CCDC180: variants seen among roughly 807,000 people sequenced by gnomAD.
CCDC180 encodes coiled-coil domain-containing protein 180.
CCDC180 carries 154 observed loss-of-function variants against 209.2 expected under a neutral mutation model. That is an observed-to-expected ratio of 0.74 (90% confidence interval 0.65 to 0.84). The LOEUF (loss-of-function observed/expected upper bound fraction) is 0.84. Among genes scored for constraint, CCDC180 ranks in the 40% least tolerant of loss-of-function variants. The pLI is 0.00. For synonymous variants in CCDC180, 778 were observed against 749.1 expected, an observed-to-expected ratio of 1.04 and a Z score of -0.63; for missense variants, 1,874 against 1,997.3, an observed-to-expected ratio of 0.94 and a Z score of 1.18.
At chr9:97,320,986 G>T (rs1423728097) in intron 11 of CCDC180, among the ~76,000 whole-genome samples, 1 of 152,102 alleles carries the variant, frequency 6.6e-6, no homozygotes, top group Non-Finnish European at 1.5e-5. Flanking sequence ...TTTTTCTGGG[G>T]GCTGTGGTGC....
At position 97,366,692 on chromosome 9, in the gene CCDC180, G is replaced by A. The variant is rs765222326; in HGVS notation, c.4181G>A (p.Cys1394Tyr). The change falls in exon 31 of 37, where the codon TGC becomes TAC. Residue 1394 changes from cysteine (C) to tyrosine (Y), a missense_variant. Coordinates refer to ENST00000529487, the MANE Select transcript of CCDC180 (RefSeq NM_020893.6). This position sits in a 1 kb window ranked among gnomAD's most constrained non-coding sequence, Gnocchi z 4.3. ...QSQANKYHNSCLIELRIQIRR... is the reference protein window; with the variant it reads ...QSQANKYHNSYLIELRIQIRR... ...CAGGCAAATAAGTACCACAACTCCT[G>A]CCTCATAGGTGAGTATAGGCAGCAG... 6.2e-7 allele frequency: 1 copy of A among 1,614,130 alleles called. No homozygotes were observed. Among genetic ancestry groups the A allele is most frequent in the Non-Finnish European group, 8.5e-7 (1 of 1,179,988 alleles).
At position 97,354,642 on chromosome 9, in the gene CCDC180, G is replaced by T. The variant is rs568198741; in HGVS notation, c.3076G>T (p.Ala1026Ser). ...GTGTTCCCGACTGGAGAAGGAAGCT[G>T]CCCGGATAGAGTTGGTTGAAAGTGT... Reference protein sequence around the residue: ...SLCSRLEKEAARIELVESVIM... With the variant: ...SLCSRLEKEASRIELVESVIM... The change falls in exon 23 of 37, where the codon GCC becomes TCC. Residue 1026 changes from alanine to serine, a missense_variant. Coordinates refer to ENST00000529487, the MANE Select transcript of CCDC180 (RefSeq NM_020893.6). 3 of 1,614,218 alleles carry T rather than the reference G, an allele frequency of 1.9e-6. No homozygotes were observed. The highest frequency in any genetic ancestry group is 2.7e-5 in the African/African-American group (2 of 75,056).
At chr9:97,347,268 G>T in intron 19 of CCDC180, 46 bp from the exon 20 acceptor site, 1 of 1,526,468 alleles carries the variant, frequency 6.6e-7, no homozygotes, top group Non-Finnish European at 8.8e-7. Flanking sequence ...ACCTCTCATG[G>T]GTCATGATTG....
intron 26 of CCDC180, among the ~76,000 whole-genome samples, chr9:97,360,882 G>A (rs1020842846): frequency 6.6e-6 from 1 of 152,162 alleles, no homozygotes; most frequent in Admixed American, 6.5e-5. Flanking sequence ...CAACTTCCAG[G>A]GAAGGGCCTG....
chr9:97,340,036 G>GT (rs1826029785), intron 18 of CCDC180, among the ~76,000 whole-genome samples: 1 of 152,132 alleles, frequency 6.6e-6, no homozygotes, highest in African/African-American at 2.4e-5. Flanking sequence ...TCTCTACACT[G>GT]TTTATTCTAG....
At chr9:97,323,605 C>T (rs916538798) in intron 12 of CCDC180, among the ~76,000 whole-genome samples, 176 bp from the exon 13 acceptor site, 5 of 152,200 alleles carry the variant, frequency 3.3e-5, no homozygotes, top group Non-Finnish European at 5.9e-5. Flanking sequence ...GCATGCCTCT[C>T]CAGCCAGCTT....
At chr9:97,316,995 C>A in intron 8 of CCDC180, 70 bp from the exon 9 acceptor site, 1 of 1,454,416 alleles carries the variant, frequency 6.9e-7, no homozygotes, top group Non-Finnish European at 9.3e-7. Context: ...CTGCTCCTCT[C>A]TAACTGAGCC....
intron 34 of CCDC180, chr9:97,374,190 T>G: frequency 1.6e-5 from 3 of 190,946 alleles, no homozygotes; most frequent in South Asian, 2.9e-4. Context: ...CCAGGGGAGG[T>G]TCTTAGTTCG....
At chr9:97,374,447 G>T (rs1827185873) in intron 34 of CCDC180, 96 bp from the exon 35 acceptor site, 1 of 891,136 alleles carries the variant, frequency 1.1e-6, no homozygotes, top group Non-Finnish European at 1.7e-6. Flanking sequence ...GAGGAGGGGT[G>T]CCAGTCCTCC....
chr9:97,324,039 C>A, intron 13 of CCDC180, 136 bp downstream of exon 13: 1 of 1,071,464 alleles, frequency 9.3e-7, no homozygotes, highest in Non-Finnish European at 1.3e-6. Flanking sequence ...CAGCCCCTCT[C>A]AGAGTAGCCC....
In CCDC180 at chr9:97,364,006, G is replaced by A. The variant is rs192052526; in HGVS notation, c.3903-45G>A. The A allele has an allele frequency of 1.1e-4, 175 of 1,587,652 alleles. No homozygotes were observed. The African/African-American group carries it at 1.4e-3, about 13-fold the overall frequency. On this transcript the variant is annotated intron_variant, in intron 28 of 36. Transcript: ENST00000529487. The stretch of plus-strand genomic sequence containing the variant: ...TCCTGCAGGCTCAGACCTGCCTTGC[G>A]TCTGTCCACAGCCTCCAGACCACCC...
In CCDC180 at chr9:97,354,989, A is replaced by C. The variant is rs1187031223; in HGVS notation, c.3245A>C (p.Gln1082Pro). 1 of 1,611,350 alleles carries C rather than the reference A, an allele frequency of 6.2e-7. No individual in the cohort carries two copies. The highest frequency in any genetic ancestry group is 2.2e-5 in the East Asian group (1 of 44,886). ...EKIQRLLTNL[Q>P]VKIKCQVAKS... ...ATCCAGCGGTTGCTGACGAATCTGCAAGTGAAAATCAAGTGCCAGGTAGGA... is the reference window on the plus strand; with the variant it reads ...ATCCAGCGGTTGCTGACGAATCTGCCAGTGAAAATCAAGTGCCAGGTAGGA... The change falls in exon 24 of 37, where the codon CAA becomes CCA. Residue 1082 changes from glutamine (Q) to proline (P), a missense_variant. Physicochemically the swap from Gln to Pro is moderately conservative, Grantham distance 76. Transcript: ENST00000529487.
intron 28 of CCDC180, among the ~76,000 whole-genome samples, chr9:97,363,239 A>C (rs938408083): frequency 1.3e-5 from 2 of 152,236 alleles, no homozygotes; most frequent in Non-Finnish European, 2.9e-5. Flanking sequence ...ATGAGGACAA[A>C]AATTAGGGAA....
At chr9:97,364,383 C>A in intron 29 of CCDC180, 1 of 434,778 alleles carries the variant, frequency 2.3e-6, no homozygotes, top group Non-Finnish European at 4.1e-6. Context: ...CAGGAGACCC[C>A]ATTCGAGGTC....
chr9:97,370,413 C>T (rs998676928), intron 32 of CCDC180, among the ~76,000 whole-genome samples: 1 of 152,118 alleles, frequency 6.6e-6, no homozygotes, highest in Non-Finnish European at 1.5e-5. Flanking sequence ...TGGACTAAAA[C>T]TCTGATTGTG....
In CCDC180 at chr9:97,366,901, C is replaced by A. The variant is rs1343256738; in HGVS notation, c.4189+201C>A. Among the ~76,000 whole-genome samples, 1 of 152,190 alleles carries A rather than the reference C, an allele frequency of 6.6e-6. No individual in the cohort carries two copies. Among genetic ancestry groups the A allele is most frequent in the Non-Finnish European group, 1.5e-5 (1 of 68,020 alleles). On this transcript the variant is annotated intron_variant, in intron 31 of 36. Coordinates refer to ENST00000529487, the MANE Select transcript of CCDC180 (RefSeq NM_020893.6). The surrounding 1 kb of genome is among the most constrained non-coding windows in gnomAD (Gnocchi z 4.3). ...AATGCGACCATGCAAGAAAAAAGTTCACTTTTCTTGAGAAATATGGTGATT... is the reference window on the plus strand; with the variant it reads ...AATGCGACCATGCAAGAAAAAAGTTAACTTTTCTTGAGAAATATGGTGATT...
intron 18 of CCDC180, among the ~76,000 whole-genome samples, chr9:97,336,913 CT>C (rs1825923965): frequency 6.6e-6 from 1 of 152,070 alleles, no homozygotes; most frequent in Non-Finnish European, 1.5e-5. Context: ...GTATTTTATT[CT>C]TTTTGTAGCA....
At chr9:97,317,533 A>G (rs1194590514) in intron 9 of CCDC180, among the ~76,000 whole-genome samples, 1 of 152,184 alleles carries the variant, frequency 6.6e-6, no homozygotes, top group Non-Finnish European at 1.5e-5. Context: ...TCTGAGCTCC[A>G]TACAGCTGGA....
chr9:97,366,600 C>T lies in CCDC180; in HGVS notation c.4089C>T (p.Asp1363=), dbSNP rs751669002. 41 of 1,614,098 alleles carry T rather than the reference C, an allele frequency of 2.5e-5. No homozygotes were observed. The South Asian group carries it at 3.1e-4, about 12-fold the overall frequency. ...RKEKRPVTRP[D]CMCDTFDQCA... is the part of the protein sequence containing the mutation. ...AAAAACGCCCAGTCACCAGGCCTGA[C>T]TGCATGTGTGACACCTTTGACCAGT... The change falls in exon 31 of 37, where the codon GAC becomes GAT. Residue 1363 remains aspartate, a synonymous_variant. Coordinates refer to ENST00000529487, the MANE Select transcript of CCDC180 (RefSeq NM_020893.6). This position sits in a 1 kb window ranked among gnomAD's most constrained non-coding sequence, Gnocchi z 4.3.
Sources: gnomAD v4.1 joint callset for allele counts (sites outside exome capture counted in the v4.1 genomes callset) on GRCh38, gnomAD v4.1.1 for gene constraint, Gnocchi (gnomAD v3.1) non-coding constraint, MANE v1.5 for transcripts, NCBI Gene and HGNC (gene_info 2026-07-23, HGNC 2026-07-21) for gene names.